CDKAL1: variants seen among roughly 807,000 people sequenced by gnomAD.
The protein encoded by CDKAL1 is CDKAL1 threonylcarbamoyladenosine tRNA methylthiotransferase.
CDKAL1 carries 32 observed loss-of-function variants against 68.2 expected under a neutral mutation model. The ratio of observed to expected loss-of-function variants is 0.47; its 90% confidence interval spans 0.35 to 0.63. The LOEUF (loss-of-function observed/expected upper bound fraction) is 0.63. Ranked by LOEUF, CDKAL1 falls within the 30% of genes least tolerant of loss-of-function variation. CDKAL1 has a pLI of 0.00. For synonymous variants in CDKAL1, 234 were observed against 244.3 expected, an observed-to-expected ratio of 0.96 and a Z score of 0.39; for missense variants, 606 against 696.7, an observed-to-expected ratio of 0.87 and a Z score of 1.47.
intron 9 of CDKAL1, among the ~76,000 whole-genome samples, chr6:20,917,159 G>C (rs779727146): frequency 6.6e-6 from 1 of 151,904 alleles, no homozygotes; most frequent in Non-Finnish European, 1.5e-5. Flanking sequence ...TTTTGTATTT[G>C]TAGTAGAGAT....
rs116053358 is a variant in CDKAL1, at chr6:20,959,813, T to G, written c.909+4228T>G. On this transcript the variant is annotated intron_variant, in intron 10 of 15. Coordinates refer to ENST00000274695, the MANE Select transcript of CDKAL1 (RefSeq NM_017774.3). ...TCTGACCTTGTAGAAAGTGAAGCGG[T>G]TTATGAATTTGATTACTCTTAAAAC... is the stretch of plus-strand genomic sequence containing the variant. 4.1e-3 allele frequency among the ~76,000 whole-genome samples: 628 copies of G among 152,290 alleles called. 5 individuals carry two copies. The highest frequency in any genetic ancestry group is 0.014 in the African/African-American group (598 of 41,556).
In CDKAL1 at chr6:21,209,838, C is replaced by T. The variant is rs1459147183; in HGVS notation, c.1548+8564C>T. On this transcript the variant is annotated intron_variant, in intron 15 of 15. Coordinates refer to ENST00000274695, the MANE Select transcript of CDKAL1 (RefSeq NM_017774.3). ...TGGGACTAGGGAGGTTCCAGAAGACCATGATTTCCTGTGATGATTTGAACC... is the reference window on the plus strand; with the variant it reads ...TGGGACTAGGGAGGTTCCAGAAGACTATGATTTCCTGTGATGATTTGAACC... 3.3e-5 allele frequency among the ~76,000 whole-genome samples: 5 copies of T among 152,300 alleles called. No homozygotes were observed. In the East Asian group the frequency reaches 7.7e-4, roughly 24 times the overall value.
chr6:20,683,825 A>G (rs2127795136), intron 5 of CDKAL1, among the ~76,000 whole-genome samples: 1 of 152,332 alleles, frequency 6.6e-6, no homozygotes, highest in East Asian at 1.9e-4. Context: ...CCATTATTGT[A>G]TCATACAGAG....
intron 5 of CDKAL1, among the ~76,000 whole-genome samples, chr6:20,714,204 C>G (rs887229992): frequency 6.6e-6 from 1 of 151,612 alleles, no homozygotes; most frequent in Non-Finnish European, 1.5e-5. Context: ...AAAAAATTCT[C>G]ATAATGTTCA....
intron 4 of CDKAL1, among the ~76,000 whole-genome samples, chr6:20,643,761 T>G (rs1768301418): frequency 6.6e-6 from 1 of 152,240 alleles, no homozygotes; most frequent in Non-Finnish European, 1.5e-5. Context: ...GTTAACAATA[T>G]TAACATTTAT....
At position 20,544,320 on chromosome 6, in the gene CDKAL1, G is replaced by A. The variant is rs145733225; in HGVS notation, c.-5-2026G>A. Among the ~76,000 whole-genome samples the A allele has an allele frequency of 4.8e-3, 718 of 149,734 alleles. 10 individuals are homozygous for A. Among genetic ancestry groups the A allele is most frequent in the African/African-American group, 0.017 (678 of 40,756 alleles). ...GTCTTAAAATTGGGTAGACCAGGCC[G>A]GGCGCAGTGGCTCACGCCTGTAATC... On this transcript the variant is annotated intron_variant, in intron 2 of 15. Coordinates refer to ENST00000274695, the MANE Select transcript of CDKAL1 (RefSeq NM_017774.3).
At chr6:20,888,353 ATCT>A (rs1761195623) in intron 9 of CDKAL1, among the ~76,000 whole-genome samples, 1 of 84,730 alleles carries the variant, frequency 1.2e-5, no homozygotes, top group Admixed American at 1.3e-4. Flanking sequence ...TATGTGCCAC[ATCT>A]TCTTTTTTTT....
chr6:20,832,612 C>T lies in CDKAL1; in HGVS notation c.639-13463C>T, dbSNP rs1268089014. On this transcript the variant is annotated intron_variant, in intron 8 of 15. Transcript: ENST00000274695. ...TCGAGGGAGCACTGAGCTGTGATCA[C>T]GCCACTGCATTCCAGCCTGGGTGAC... Among the ~76,000 whole-genome samples the T allele has an allele frequency of 9.2e-5, 14 of 152,192 alleles. No individual in the cohort carries two copies. In the East Asian group the frequency reaches 1.4e-3, roughly 15 times the overall value.
chr6:20,633,848 T>G (rs1443384418), intron 4 of CDKAL1, among the ~76,000 whole-genome samples: 1 of 152,328 alleles, frequency 6.6e-6, no homozygotes. Flanking sequence ...TTCAGATCTC[T>G]TGCCCATTTT....
intron 13 of CDKAL1, among the ~76,000 whole-genome samples, chr6:21,152,988 A>T (rs902503358): frequency 1.3e-5 from 2 of 152,112 alleles, no homozygotes; most frequent in African/African-American, 4.8e-5. Context: ...TGAGTCTTTT[A>T]TCTCTCCTAT....
chr6:21,149,346 A>G (rs1330699992), intron 13 of CDKAL1, among the ~76,000 whole-genome samples: 3 of 151,990 alleles, frequency 2.0e-5, no homozygotes, highest in Admixed American at 2.0e-4. Context: ...GGGTTTCGCC[A>G]TGTTAGCCAG....
intron 5 of CDKAL1, among the ~76,000 whole-genome samples, chr6:20,654,032 C>A (rs1260823967): frequency 6.6e-6 from 1 of 152,092 alleles, no homozygotes; most frequent in Admixed American, 6.5e-5. Context: ...CAGGCATGAG[C>A]CACCGCGCCT....
intron 11 of CDKAL1, among the ~76,000 whole-genome samples, chr6:21,027,828 G>A (rs6921781): frequency 0.061 from 9,225 of 152,254 alleles, 401 homozygotes; most frequent in African/African-American, 0.11. Flanking sequence ...GGGGAGGTAA[G>A]ACCAATGAGA....
chr6:20,700,390 G>A (rs11970626), intron 5 of CDKAL1, among the ~76,000 whole-genome samples: 15,847 of 151,714 alleles, frequency 0.1, 1,639 homozygotes, highest in African/African-American at 0.27. Flanking sequence ...AAGTTAAACT[G>A]AATGATAGTG....
Position 20,841,164 on chromosome 6 carries a change from A to T in CDKAL1, c.639-4911A>T, listed in dbSNP as rs186377845. 2.7e-3 allele frequency among the ~76,000 whole-genome samples: 407 copies of T among 152,298 alleles called. 7 individuals carry two copies. Among genetic ancestry groups the T allele is most frequent in the African/African-American group, 8.4e-3 (350 of 41,574 alleles). On this transcript the variant is annotated intron_variant, in intron 8 of 15. Coordinates refer to ENST00000274695, the MANE Select transcript of CDKAL1 (RefSeq NM_017774.3). Reference sequence around the variant, plus strand: ...TGTAACATTTGAAGCTTTGAGAAAGATCATACTCTATCAATTTATGAAAAA... The same window carrying T: ...TGTAACATTTGAAGCTTTGAGAAAGTTCATACTCTATCAATTTATGAAAAA...
At chr6:20,579,965 C>T (rs6927481) in intron 4 of CDKAL1, among the ~76,000 whole-genome samples, 18 of 151,916 alleles carry the variant, frequency 1.2e-4, no homozygotes, top group African/African-American at 3.1e-4. Flanking sequence ...CAGTAGAGCA[C>T]GTACCTTAAG....
intron 13 of CDKAL1, among the ~76,000 whole-genome samples, chr6:21,164,912 C>T (rs1777088097): frequency 6.6e-6 from 1 of 152,170 alleles, no homozygotes; most frequent in Non-Finnish European, 1.5e-5. Context: ...TAAAGCTCCA[C>T]CAGAGGAATC....
chr6:20,607,063 G>A (rs570044017), intron 4 of CDKAL1, among the ~76,000 whole-genome samples: 1 of 152,322 alleles, frequency 6.6e-6, no homozygotes, highest in Non-Finnish European at 1.5e-5. Flanking sequence ...GTCTTTGACT[G>A]CTAGGCAAGT....
intron 12 of CDKAL1, among the ~76,000 whole-genome samples, chr6:21,079,607 G>C (rs1423365094): frequency 6.6e-6 from 1 of 152,170 alleles, no homozygotes; most frequent in African/African-American, 2.4e-5. Flanking sequence ...CTTGACTGTA[G>C]ACTTAACAGA....
Sources: allele counts gnomAD v4.1 joint callset (sites outside exome capture counted in the v4.1 genomes callset), GRCh38; gene constraint gnomAD v4.1.1; transcripts MANE v1.5; gene names NCBI Gene and HGNC (gene_info 2026-07-23, HGNC 2026-07-21).